The following ANPEP variants were observed in gnomAD, a reference collection of about 807,000 sequenced individuals.
ANPEP encodes alanyl aminopeptidase, membrane.
Under a neutral mutation model 114.6 loss-of-function variants are expected in ANPEP, and 70 were observed. The ratio of observed to expected loss-of-function variants is 0.61; its 90% CI spans 0.50 to 0.75. The LOEUF (loss-of-function observed/expected upper bound fraction) is 0.75. ANPEP is among the 30% of genes least tolerant of loss of function. ANPEP has a pLI of 0.00. For synonymous variants in ANPEP, 548 were observed against 522.3 expected, an observed-to-expected ratio of 1.05 and a Z score of -0.67; for missense variants, 1,184 against 1,259.5, an observed-to-expected ratio of 0.94 and a Z score of 0.91.
At chr15:89,797,852 G>T in intron 14 of ANPEP, 130 bp from the exon 15 acceptor site, 1 of 1,287,318 alleles carries the variant, frequency 7.8e-7, no homozygotes, top group Non-Finnish European at 1.1e-6. Flanking sequence ...GGAGCCGGAG[G>T]TCCCAGATTC....
chr15:89,813,488 G>A (rs1240807387), intron 1 of ANPEP, among the ~76,000 whole-genome samples: 1 of 152,182 alleles, frequency 6.6e-6, no homozygotes, highest in Non-Finnish European at 1.5e-5. Flanking sequence ...GAGCAGCGCT[G>A]TGGGTGGCCT....
chr15:89,804,401 A>G lies in ANPEP; in HGVS notation c.1031T>C (p.Ile344Thr). ...GCCGGCGTTGAAGTCTGGCAGGCCA[A>G]TCTGGTCTGGGGAGGCGATGCCATT... ...TPYPLPKSDQ[I>T]GLPDFNAGAM... Residue 344 changes from isoleucine to threonine, a missense_variant, in exon 6 of 21, where the codon ATT becomes ACT. Ile to Thr is a moderately conservative substitution (Grantham distance 89). Transcript: ENST00000300060. The G allele has an allele frequency of 1.2e-6, 2 of 1,614,218 alleles. No individual in the cohort carries two copies. Among genetic ancestry groups the G allele is most frequent in the South Asian group, 1.1e-5 (1 of 91,084 alleles).
Position 89,803,381 on chromosome 15 carries a change from G to A in ANPEP, c.1503+61C>T. 2 of 1,613,302 alleles carry A rather than the reference G, an allele frequency of 1.2e-6. No individual in the cohort carries two copies. The highest frequency in any genetic ancestry group is 1.7e-6 in the Non-Finnish European group (2 of 1,179,378). On this transcript the variant is annotated intron_variant, in intron 9 of 20. Coordinates refer to ENST00000300060, the MANE Select transcript of ANPEP (RefSeq NM_001150.3). This position sits in a 1 kb window ranked among gnomAD's most constrained non-coding sequence, Gnocchi z 4.2. The stretch of plus-strand genomic sequence containing the variant: ...CCCTCTGTGGTGGGCAGAGGCCCGG[G>A]TCAAGGGCGAGGGGCAGAAGGAGAC...
In ANPEP at chr15:89,805,233, G is replaced by T; in HGVS notation, c.758-16C>A. On this transcript the variant is annotated splice_polypyrimidine_tract_variant and intron_variant, in intron 3 of 20. Transcript: ENST00000300060. ...GTGCTGGGACCTGGGCAGGGAGCAT[G>T]TGTGTGTGAGGACGTACCCTCCTGC... 2.5e-6 allele frequency: 4 copies of T among 1,614,206 alleles called. No homozygotes were observed. Among genetic ancestry groups the T allele is most frequent in the Non-Finnish European group, 3.4e-6 (4 of 1,180,006 alleles).
Position 89,805,165 on chromosome 15 carries a change from G to A in ANPEP, c.810C>T (p.His270=). ...EDPNWNVTEF[H]TTPKMSTYLL... is the part of the protein sequence containing the mutation. ...AGTACGTGGACATCTTGGGCGTGGT[G>A]TGGAACTCAGTGACATTCCAGTTGG... Residue 270 remains histidine, a synonymous_variant, in exon 4 of 21, where the codon CAC becomes CAT. Transcript: ENST00000300060. 1.2e-6 allele frequency: 2 copies of A among 1,614,256 alleles called. No individual in the cohort carries two copies. Among genetic ancestry groups the A allele is most frequent in the South Asian group, 2.2e-5 (2 of 91,090 alleles).
At chr15:89,792,898 C>T (rs538876321) in intron 16 of ANPEP, 137 bp downstream of exon 16, 215 of 789,856 alleles carry the variant, frequency 2.7e-4, no homozygotes, top group Non-Finnish European at 4.2e-4. Context: ...AGGGCAGGAC[C>T]TCCCTGCTCC....
intron 1 of ANPEP, among the ~76,000 whole-genome samples, chr15:89,807,114 C>T (rs1894731414): frequency 6.6e-6 from 1 of 152,220 alleles, no homozygotes; most frequent in South Asian, 2.1e-4. Context: ...TCCTCAGTGA[C>T]AAGGTCCCAG....
At chr15:89,813,863 G>C (rs1242689770) in intron 1 of ANPEP, among the ~76,000 whole-genome samples, 1 of 152,136 alleles carries the variant, frequency 6.6e-6, no homozygotes, top group Non-Finnish European at 1.5e-5. Context: ...CTGAGACCAG[G>C]GCTCTGACCA....
At chr15:89,796,171 G>A (rs772977758) in intron 15 of ANPEP, among the ~76,000 whole-genome samples, 5 of 152,208 alleles carry the variant, frequency 3.3e-5, no homozygotes, top group Non-Finnish European at 5.9e-5. Context: ...AAGCTTGATT[G>A]CACCACTGCA....
Position 89,804,550 on chromosome 15 carries a change from C to G in ANPEP, c.965G>C (p.Gly322Ala). ...ACCAGCAAAGAAGTTAAGGATGGGGCCCGTCACGTTCAGGGCATAATCGCC... is the reference window on the plus strand; with the variant it reads ...ACCAGCAAAGAAGTTAAGGATGGGGGCCGTCACGTTCAGGGCATAATCGCC... The part of the protein sequence containing the change: ...GHGDYALNVT[G>A]PILNFFAGHY... Residue 322 changes from glycine (G) to alanine (A), a missense_variant, in exon 5 of 21, where the codon GGC (glycine) becomes GCC (alanine). By Grantham distance (60) the Gly-to-Ala change is moderately conservative (BLOSUM62 0). Coordinates refer to ENST00000300060, the MANE Select transcript of ANPEP (RefSeq NM_001150.3). 6.2e-7 allele frequency: 1 copy of G among 1,614,156 alleles called. No individual in the cohort carries two copies. The highest frequency in any genetic ancestry group is 8.5e-7 in the Non-Finnish European group (1 of 1,180,022).
rs1381036786 is a variant in ANPEP at position 89,792,997 on chromosome 15, T to C, written c.2249+38A>G. 3.2e-6 allele frequency: 5 copies of C among 1,551,314 alleles called. No homozygotes were observed. The East Asian group carries it at 9.0e-5, about 28-fold the overall frequency. ...GGATGTTGCTCTTGACTCCCCGGGGTGCCCAGGACTTCCAAACCCATGAGA... is the reference window on the plus strand; with the variant it reads ...GGATGTTGCTCTTGACTCCCCGGGGCGCCCAGGACTTCCAAACCCATGAGA... On this transcript the variant is annotated intron_variant, in intron 16 of 20. Coordinates refer to ENST00000300060, the MANE Select transcript of ANPEP (RefSeq NM_001150.3).
chr15:89,805,902 G>T (rs1210550046), intron 2 of ANPEP, 68 bp downstream of exon 2: 4 of 1,530,876 alleles, frequency 2.6e-6, no homozygotes, highest in Non-Finnish European at 3.5e-6. Flanking sequence ...TCCTTCCTTG[G>T]CCCTCAGAAT....
In ANPEP at chr15:89,792,527, G is replaced by A; in HGVS notation, c.2285C>T (p.Ser762Phe). 1 of 1,614,174 alleles carries A rather than the reference G, an allele frequency of 6.2e-7. No individual in the cohort carries two copies. The highest frequency in any genetic ancestry group is 8.5e-7 in the Non-Finnish European group (1 of 1,180,030). ...CTCCTCACACTCTGGAACTCCGTTGGAGCAGGCGGTGCTGATGGCATTAAC... is the reference window on the plus strand; with the variant it reads ...CTCCTCACACTCTGGAACTCCGTTGAAGCAGGCGGTGCTGATGGCATTAAC... ...SEVNAISTAC[S>F]NGVPECEEMV... The change falls in exon 17 of 21, where the codon TCC becomes TTC. Residue 762 changes from serine to phenylalanine, a missense_variant. By Grantham distance (155) the Ser-to-Phe change is radical. Transcript: ENST00000300060.
intron 2 of ANPEP, 105 bp downstream of exon 2, chr15:89,805,865 A>G: frequency 1.4e-6 from 2 of 1,456,306 alleles, no homozygotes; most frequent in Non-Finnish European, 1.8e-6. Context: ...CTCGGGCTCC[A>G]CAGGGTTCAA....
chr15:89,798,585 C>T (rs1375012545), intron 14 of ANPEP, among the ~76,000 whole-genome samples: 1 of 150,672 alleles, frequency 6.6e-6, no homozygotes, highest in Admixed American at 6.6e-5. Flanking sequence ...CGTAGTGAGC[C>T]AAGATCACGC....
intron 15 of ANPEP, among the ~76,000 whole-genome samples, chr15:89,795,173 C>G (rs1968705579): frequency 6.6e-6 from 1 of 150,730 alleles, no homozygotes; most frequent in African/African-American, 2.4e-5. Context: ...GCATAGGATG[C>G]TGGAATCAGA....
rs115627096 is a variant in ANPEP at position 89,797,641 on chromosome 15, G to T, written c.2091C>A (p.Ala697=). 2,010 of 1,614,086 alleles carry T rather than the reference G, an allele frequency of 1.2e-3. 18 individuals carry two copies. In the African/African-American group the frequency reaches 0.024, roughly 19 times the overall value. ...TGAAGTAGCTCAGGCTGCTCAGGGCGGCCTCCCAGGGCATGTACTGTCTCT... is the reference window on the plus strand; with the variant it reads ...TGAAGTAGCTCAGGCTGCTCAGGGCTGCCTCCCAGGGCATGTACTGTCTCT... ...IEERQYMPWE[A]ALSSLSYFKL... Residue 697 remains alanine (A), a synonymous_variant, in exon 15 of 21, where the codon GCC becomes GCA. Transcript: ENST00000300060.
rs1232414724 is a variant in ANPEP, at chr15:89,803,521, G to A, written c.1438-14C>T. Reference sequence around the variant, plus strand: ...GACTGAGGCGCCCTGGGGTGGGGGTGAGGGGGCGCTCAGAAGGCTGTGCAG... The same window carrying A: ...GACTGAGGCGCCCTGGGGTGGGGGTAAGGGGGCGCTCAGAAGGCTGTGCAG... On this transcript the variant is annotated splice_polypyrimidine_tract_variant and intron_variant, in intron 8 of 20. Transcript: ENST00000300060. This position sits in a 1 kb window ranked among gnomAD's most constrained non-coding sequence, Gnocchi z 4.2. 3.1e-6 allele frequency: 5 copies of A among 1,606,502 alleles called. No homozygotes were observed. The highest frequency in any genetic ancestry group is 4.5e-5 in the East Asian group (2 of 44,744).
rs539639033 is a variant in ANPEP at position 89,814,454 on chromosome 15, C to G, written c.-224+318G>C. ...CGCAGCTTAGCTCCGCTCCGCCGCC[C>G]TCCCCGTCCGTCCTCCCCAGGCTCC... On this transcript the variant is annotated intron_variant, in intron 1 of 20. Transcript: ENST00000300060. Among the ~76,000 whole-genome samples, 30 of 152,254 alleles carry G rather than the reference C, an allele frequency of 2.0e-4. No homozygotes were observed. The South Asian group carries it at 6.0e-3, about 30-fold the overall frequency.
Sources: allele counts gnomAD v4.1 joint callset (sites outside exome capture counted in the v4.1 genomes callset), GRCh38; gene constraint gnomAD v4.1.1; non-coding constraint Gnocchi (gnomAD v3.1); transcripts MANE v1.5; gene names NCBI Gene and HGNC (gene_info 2026-07-23, HGNC 2026-07-21).